The following SMURF2 variants were observed in gnomAD, a reference collection of about 807,000 sequenced individuals.
The protein encoded by SMURF2 is SMAD specific E3 ubiquitin protein ligase 2, also known as E3 ubiquitin-protein ligase SMURF2.
In SMURF2, 48 loss-of-function variants were observed where a neutral mutation model predicts 109.6. The ratio of observed to expected loss-of-function variants is 0.44; its 90% CI spans 0.35 to 0.56. SMURF2 has a LOEUF of 0.56. Among genes scored for constraint, SMURF2 ranks in the 20% least tolerant of loss-of-function variants. SMURF2 has a pLI of 0.01. For synonymous variants in SMURF2, 288 were observed against 317.1 expected, an observed-to-expected ratio of 0.91 and a Z score of 0.97; for missense variants, 575 against 909.0, an observed-to-expected ratio of 0.63 and a Z score of 4.72.
intron 18 of SMURF2, 136 bp downstream of exon 18, chr17:64,546,127 A>T: frequency 1.0e-6 from 1 of 973,522 alleles, no homozygotes; most frequent in Non-Finnish European, 1.5e-6. Context: ...CTTAACTTTT[A>T]AATCACTTAA....
At chr17:64,592,134 T>C (rs1969758814) in intron 4 of SMURF2, among the ~76,000 whole-genome samples, 1 of 152,232 alleles carries the variant, frequency 6.6e-6, no homozygotes, top group African/African-American at 2.4e-5. Flanking sequence ...CAATGCGGCA[T>C]GCTCCCTTTG....
At chr17:64,622,648 T>G (rs1401455590) in intron 1 of SMURF2, among the ~76,000 whole-genome samples, 1 of 152,186 alleles carries the variant, frequency 6.6e-6, no homozygotes, top group Non-Finnish European at 1.5e-5. Flanking sequence ...AAAGGTACCA[T>G]TCTCATAACA....
intron 8 of SMURF2, 127 bp from the exon 9 acceptor site, chr17:64,578,703 CA>C: frequency 1.6e-6 from 1 of 610,972 alleles, no homozygotes. Flanking sequence ...TATTTATTAT[CA>C]AAAAAGGGCT....
chr17:64,590,076 A>G (rs1261188795), intron 5 of SMURF2, among the ~76,000 whole-genome samples: 1 of 152,112 alleles, frequency 6.6e-6, no homozygotes, highest in Non-Finnish European at 1.5e-5. Context: ...TGATGGGTTC[A>G]TAACAAAATA....
chr17:64,606,022 C>G (rs1377427181), intron 2 of SMURF2, among the ~76,000 whole-genome samples: 1 of 150,508 alleles, frequency 6.6e-6, no homozygotes, highest in Non-Finnish European at 1.5e-5. Context: ...ACTTCCCAAT[C>G]CCCTCTCATA....
At chr17:64,578,360 T>C in intron 9 of SMURF2, 132 bp downstream of exon 9, 1 of 634,386 alleles carries the variant, frequency 1.6e-6, no homozygotes, top group Non-Finnish European at 2.8e-6. Context: ...ACGTTAAAAC[T>C]GAAGTAACTA....
chr17:64,609,712 C>T (rs1047443508), intron 1 of SMURF2, among the ~76,000 whole-genome samples: 14 of 128,124 alleles, frequency 1.1e-4, no homozygotes, highest in Non-Finnish European at 1.7e-4. Flanking sequence ...CACAGGCACG[C>T]ACAAAGACTT....
At chr17:64,643,007 G>C (rs781922517) in intron 1 of SMURF2, among the ~76,000 whole-genome samples, 1 of 151,938 alleles carries the variant, frequency 6.6e-6, no homozygotes, top group Non-Finnish European at 1.5e-5. Context: ...CTGTTATCCA[G>C]GCTTAAGTTG....
chr17:64,610,115 T>G (rs1326459538), intron 1 of SMURF2, among the ~76,000 whole-genome samples: 1 of 152,098 alleles, frequency 6.6e-6, no homozygotes, highest in Non-Finnish European at 1.5e-5. Flanking sequence ...CAACAGATGC[T>G]GGAGAGGATG....
chr17:64,555,049 T>C, intron 14 of SMURF2, 56 bp from the exon 15 acceptor site: 10 of 1,458,874 alleles, frequency 6.9e-6, no homozygotes, highest in Non-Finnish European at 4.7e-6. Flanking sequence ...ACAGACCCTA[T>C]AGATGTATTA....
At chr17:64,631,268 G>T (rs1970336233) in intron 1 of SMURF2, among the ~76,000 whole-genome samples, 2 of 7,408 alleles carry the variant, frequency 2.7e-4, no homozygotes, top group African/African-American at 4.7e-4. Flanking sequence ...GTGGGGGGGA[G>T]AGAGGGGGGG....
In SMURF2 at chr17:64,617,065, TAAAA is replaced by T. The variant is rs35408397; in HGVS notation, c.53-10429_53-10426del. ...CTGGGCAACAGAATGAGACCTTGTC[TAAAA>T]AAAAAAAAAAAAAAAAAAAAAAAAA... On this transcript the variant is annotated intron_variant, in intron 1 of 18. Coordinates refer to ENST00000262435, the MANE Select transcript of SMURF2 (RefSeq NM_022739.4). 3.5e-3 allele frequency among the ~76,000 whole-genome samples: 171 copies of T among 48,478 alleles called. 1 individual carries two copies. Among genetic ancestry groups the T allele is most frequent in the African/African-American group, 0.014 (165 of 11,832 alleles). 31.8% of individuals were successfully genotyped at this position (48,478 alleles called of 152,430 possible). A position where few individuals can be genotyped will look rare whatever the true frequency, so the allele number is the denominator to read the frequency against.
intron 2 of SMURF2, among the ~76,000 whole-genome samples, chr17:64,602,397 T>A (rs1168742923): frequency 6.6e-6 from 1 of 152,122 alleles, no homozygotes; most frequent in Non-Finnish European, 1.5e-5. Flanking sequence ...CTTAATTAAG[T>A]AGGAAAGTCA....
chr17:64,615,206 C>G (rs782248333), intron 1 of SMURF2, among the ~76,000 whole-genome samples: 6 of 152,106 alleles, frequency 3.9e-5, no homozygotes, highest in Non-Finnish European at 7.4e-5. Flanking sequence ...ATTCCCCTTC[C>G]TCCTCCAGAT....
At chr17:64,559,772 G>A (rs1340836777) in intron 12 of SMURF2, among the ~76,000 whole-genome samples, 4 of 149,476 alleles carry the variant, frequency 2.7e-5, no homozygotes, top group East Asian at 2.0e-4. Flanking sequence ...TTTTTGAGAC[G>A]GAGTCACACT....
At chr17:64,593,126 C>A (rs186488650) in intron 4 of SMURF2, 1 of 156,070 alleles carries the variant, frequency 6.4e-6, no homozygotes, top group African/African-American at 2.4e-5. Context: ...GGATATCAAT[C>A]ATTTCTTAAT....
At chr17:64,564,188 T>C (rs2144609167) in intron 10 of SMURF2, among the ~76,000 whole-genome samples, 1 of 152,212 alleles carries the variant, frequency 6.6e-6, no homozygotes, top group African/African-American at 2.4e-5. Flanking sequence ...ATAATAGTTT[T>C]ATCTGTCATA....
chr17:64,542,414 A>G lies in SMURF2; in HGVS notation c.*3434T>C, dbSNP rs1364186041. ...GTTACTGATAAAGCTCATGTAACAA[A>G]TGAATGAAAATACAAAGAATATCAA... On this transcript the variant is annotated 3_prime_UTR_variant, in exon 19 of 19. Coordinates refer to ENST00000262435, the MANE Select transcript of SMURF2 (RefSeq NM_022739.4). 1 of 147,720 alleles carries G rather than the reference A, an allele frequency of 6.8e-6. No individual in the cohort carries two copies. The highest frequency in any genetic ancestry group is 6.7e-5 in the Admixed American group (1 of 14,970). 9.2% of individuals were successfully genotyped at this position (147,720 alleles called of 1,614,324 possible). A position where few individuals can be genotyped will look rare whatever the true frequency, so the allele number is the denominator to read the frequency against.
chr17:64,584,749 CAA>C (rs1969629652), intron 6 of SMURF2, among the ~76,000 whole-genome samples: 1 of 152,092 alleles, frequency 6.6e-6, no homozygotes, highest in Non-Finnish European at 1.5e-5. Context: ...AATATTTCTA[CAA>C]AGATACTGGC....
Sources: gnomAD v4.1 joint callset for allele counts (sites outside exome capture counted in the v4.1 genomes callset) on GRCh38, gnomAD v4.1.1 for gene constraint, MANE v1.5 for transcripts, NCBI Gene and HGNC (gene_info 2026-07-23, HGNC 2026-07-21) for gene names.